The following CYTH3 variants were observed in gnomAD, a reference collection of about 807,000 sequenced individuals.
The protein encoded by CYTH3 is cytohesin-3.
A neutral mutation model predicts 55.1 loss-of-function variants in CYTH3; 23 were observed. The ratio of observed to expected loss-of-function variants is 0.42; its 90% CI spans 0.30 to 0.59. The LOEUF is 0.59. Ranked by LOEUF, CYTH3 falls within the 20% of genes least tolerant of loss-of-function variation. CYTH3 has a pLI of 0.20. For missense variants in CYTH3, 413 were observed against 524.8 expected (o/e 0.79, Z 2.08); for synonymous variants, 249 against 194.9 (o/e 1.28, Z -2.31).
chr7:6,199,703 G>T (rs964697824), intron 1 of CYTH3, among the ~76,000 whole-genome samples: 3 of 152,166 alleles, frequency 2.0e-5, no homozygotes, highest in Non-Finnish European at 4.4e-5. Flanking sequence ...GCAAAACAAT[G>T]AAAGTCTTGT....
At chr7:6,166,054 T>G (rs1001380069) in intron 9 of CYTH3, among the ~76,000 whole-genome samples, 3 of 152,190 alleles carry the variant, frequency 2.0e-5, no homozygotes, top group Non-Finnish European at 4.4e-5. Context: ...ACAATTCGCT[T>G]CCTGGGAGAG....
intron 2 of CYTH3, 129 bp from the exon 3 acceptor site, chr7:6,187,850 C>T (rs1406877545): frequency 5.3e-6 from 4 of 753,754 alleles, no homozygotes; most frequent in Admixed American, 2.0e-5. Flanking sequence ...GATGGAAAAA[C>T]CAATACTATT....
At chr7:6,231,453 T>G (rs953927419) in intron 1 of CYTH3, among the ~76,000 whole-genome samples, 1 of 152,108 alleles carries the variant, frequency 6.6e-6, no homozygotes, top group African/African-American at 2.4e-5. Flanking sequence ...CTTTGCAGGG[T>G]GGTGAGGCCG....
chr7:6,252,181 A>G (rs1403938382), intron 1 of CYTH3, among the ~76,000 whole-genome samples: 2 of 152,178 alleles, frequency 1.3e-5, no homozygotes, highest in East Asian at 3.9e-4. Context: ...CATAAATTTG[A>G]GTACTACTGA....
At chr7:6,264,104 G>A (rs542563229) in intron 1 of CYTH3, among the ~76,000 whole-genome samples, 27 of 152,150 alleles carry the variant, frequency 1.8e-4, no homozygotes, top group Non-Finnish European at 2.9e-4. Context: ...AAAATTAGCT[G>A]GGCATGATGG....
intron 1 of CYTH3, among the ~76,000 whole-genome samples, chr7:6,238,744 T>A (rs964090342): frequency 6.6e-6 from 1 of 152,108 alleles, no homozygotes; most frequent in African/African-American, 2.4e-5. Flanking sequence ...AATGGACCAC[T>A]GTGGTGAAGG....
chr7:6,229,322 G>C (rs1355714973), intron 1 of CYTH3, among the ~76,000 whole-genome samples: 2 of 152,038 alleles, frequency 1.3e-5, no homozygotes, highest in African/African-American at 4.8e-5. Flanking sequence ...AACTTATAAA[G>C]AAATTATACT....
intron 1 of CYTH3, among the ~76,000 whole-genome samples, chr7:6,246,629 T>C (rs999850002): frequency 2.6e-5 from 4 of 152,080 alleles, no homozygotes; most frequent in Admixed American, 2.0e-4. Flanking sequence ...AATAAAACAG[T>C]AAAAAATAAA....
At chr7:6,264,720 C>T (rs1025798519) in intron 1 of CYTH3, among the ~76,000 whole-genome samples, 4 of 152,206 alleles carry the variant, frequency 2.6e-5, no homozygotes, top group Non-Finnish European at 5.9e-5. Context: ...GATTGCTAGA[C>T]ACAAGTGACT....
At chr7:6,188,015 G>GC (rs35454219) in intron 2 of CYTH3, among the ~76,000 whole-genome samples, 515 of 152,044 alleles carry the variant, frequency 3.4e-3, no homozygotes, top group African/African-American at 0.012. Flanking sequence ...ACTGGGGGGG[G>GC]AATATCACAG....
chr7:6,195,651 A>T (rs989904779), intron 1 of CYTH3, among the ~76,000 whole-genome samples: 1 of 152,052 alleles, frequency 6.6e-6, no homozygotes, highest in Admixed American at 6.6e-5. Flanking sequence ...TGTTTTCTTA[A>T]GCAATCCTCT....
In CYTH3 at chr7:6,194,177, G is replaced by C. The variant is rs201696693; in HGVS notation, c.35-3646C>G. 5.3e-5 allele frequency among the ~76,000 whole-genome samples: 8 copies of C among 152,360 alleles called. No homozygotes were observed. The East Asian group carries it at 1.5e-3, about 29-fold the overall frequency. On this transcript the variant is annotated intron_variant, in intron 1 of 12. Coordinates refer to ENST00000350796, the MANE Select transcript of CYTH3 (RefSeq NM_004227.4). ...CGAAACAGACACAAAAAAGCAAAAA[G>C]GGATAAAAGTGGTTACACCTTGGGG...
intron 1 of CYTH3, among the ~76,000 whole-genome samples, chr7:6,262,163 G>C (rs1780368381): frequency 1.3e-5 from 2 of 152,162 alleles, no homozygotes; most frequent in Admixed American, 1.3e-4. Context: ...GAGGCAAAGG[G>C]ATAAAGGACA....
chr7:6,179,587 G>GACAC (rs138381423), intron 4 of CYTH3, among the ~76,000 whole-genome samples: 2 of 143,282 alleles, frequency 1.4e-5, no homozygotes, highest in South Asian at 2.2e-4. Flanking sequence ...TTACAAGACA[G>GACAC]ACACACACAC....
At chr7:6,229,331 C>T (rs564660691) in intron 1 of CYTH3, among the ~76,000 whole-genome samples, 16 of 152,244 alleles carry the variant, frequency 1.1e-4, no homozygotes, top group African/African-American at 3.6e-4. Context: ...AGAAATTATA[C>T]TTCACTGATA....
At chr7:6,243,333 C>A (rs1779721536) in intron 1 of CYTH3, among the ~76,000 whole-genome samples, 1 of 152,224 alleles carries the variant, frequency 6.6e-6, no homozygotes, top group Non-Finnish European at 1.5e-5. Context: ...AGGTCTGGCT[C>A]TACCACCTGA....
chr7:6,243,715 C>G (rs1172152229), intron 1 of CYTH3, among the ~76,000 whole-genome samples: 1 of 152,176 alleles, frequency 6.6e-6, no homozygotes, highest in African/African-American at 2.4e-5. Context: ...GGCCCTATAT[C>G]AACTTACCCA....
At position 6,187,193 on chromosome 7, in the gene CYTH3, T is replaced by C. The variant is rs995295853; in HGVS notation, c.183-77A>G. ...CCCAGTCACGGCCCTCCAGTGTACT[T>C]TCCCCCGCAACAACGGGCTCAAGGA... On this transcript the variant is annotated intron_variant, in intron 3 of 12. Transcript: ENST00000350796. 5.4e-6 allele frequency: 8 copies of C among 1,473,696 alleles called. No individual in the cohort carries two copies. In the Admixed American group the frequency reaches 1.2e-4, roughly 22 times the overall value. 91.3% of individuals were successfully genotyped at this position (1,473,696 alleles called of 1,614,324 possible). A position where few individuals can be genotyped will look rare whatever the true frequency, so the allele number is the denominator to read the frequency against.
chr7:6,212,615 TA>T (rs1784345379), intron 1 of CYTH3: 1 of 151,014 alleles, frequency 6.6e-6, no homozygotes, highest in Admixed American at 6.6e-5. Context: ...TTTCCTTTTT[TA>T]AAAACATTTT....
Sources: allele counts gnomAD v4.1 joint callset (sites outside exome capture counted in the v4.1 genomes callset), GRCh38; gene constraint gnomAD v4.1.1; transcripts MANE v1.5; gene names NCBI Gene and HGNC (gene_info 2026-07-23, HGNC 2026-07-21).